CFAP58: variants seen among roughly 807,000 people sequenced by gnomAD.
CFAP58 encodes cilia and flagella associated protein 58.
In CFAP58, 88 loss-of-function variants were observed where a neutral mutation model predicts 119.5. That is an observed-to-expected ratio of 0.74 (90% CI 0.62 to 0.88). CFAP58 has a LOEUF of 0.88. Ranked by LOEUF, CFAP58 falls within the 40% of genes least tolerant of loss-of-function variation. The pLI, the probability that CFAP58 is intolerant of heterozygous loss-of-function variation, is 0.00. For missense variants in CFAP58, 990 were observed against 1,021.2 expected, an observed-to-expected ratio of 0.97 and a Z score of 0.42; for synonymous variants, 365 against 366.3, an observed-to-expected ratio of 1.00 and a Z score of 0.04.
At chr10:104,394,401 A>G (rs1417706864) in intron 11 of CFAP58, among the ~76,000 whole-genome samples, 1 of 152,230 alleles carries the variant, frequency 6.6e-6, no homozygotes, top group Non-Finnish European at 1.5e-5. Context: ...GAGACTGGGT[A>G]CCTTGCTTTC....
At chr10:104,449,167 T>G (rs904231669) in intron 16 of CFAP58, among the ~76,000 whole-genome samples, 5 of 152,058 alleles carry the variant, frequency 3.3e-5, no homozygotes, top group Non-Finnish European at 7.4e-5. Context: ...ACAGGTTTTT[T>G]TTTTTTTTTT....
In CFAP58 at chr10:104,362,068, G is replaced by C. The variant is rs1327889616; in HGVS notation, c.337G>C (p.Glu113Gln). The change falls in exon 3 of 18, where the codon GAG becomes CAG. Residue 113 changes from glutamate to glutamine, a missense_variant. By Grantham distance (29) the Glu-to-Gln change is conservative. Coordinates refer to ENST00000369704, the MANE Select transcript of CFAP58 (RefSeq NM_001008723.2). ...GATGGTGGACTCAGCCTATGACAAA[G>C]AGCAGAAGGCCAAGGAGACGATTCT... is the stretch of plus-strand genomic sequence containing the variant. Reference protein sequence around the residue: ...WKMVDSAYDKEQKAKETILAL... With the variant: ...WKMVDSAYDKQQKAKETILAL... 6.2e-7 allele frequency: 1 copy of C among 1,614,104 alleles called. No individual in the cohort carries two copies.
chr10:104,370,749 A>G (rs1483021471), intron 6 of CFAP58, 146 bp from the exon 7 acceptor site: 2 of 622,332 alleles, frequency 3.2e-6, no homozygotes, highest in African/African-American at 1.9e-5. Context: ...CTCAAAACCA[A>G]ATTGTGTGTG....
chr10:104,418,399 T>C (rs1271158564), intron 15 of CFAP58, among the ~76,000 whole-genome samples: 3 of 152,084 alleles, frequency 2.0e-5, no homozygotes, highest in African/African-American at 7.2e-5. Context: ...ATACAAAAAA[T>C]TAGCCGGGCA....
chr10:104,431,685 A>G (rs533768832), intron 15 of CFAP58, among the ~76,000 whole-genome samples: 13 of 152,212 alleles, frequency 8.5e-5, no homozygotes, highest in African/African-American at 2.9e-4. Context: ...TCAAAGTCCC[A>G]TTTCTTTTCT....
chr10:104,360,873 T>C (rs1564877874), intron 2 of CFAP58, among the ~76,000 whole-genome samples: 1 of 152,316 alleles, frequency 6.6e-6, no homozygotes, highest in East Asian at 1.9e-4. Flanking sequence ...ATCCAGTCTA[T>C]CACTGATGAG....
intron 15 of CFAP58, among the ~76,000 whole-genome samples, chr10:104,415,139 C>T (rs530533676): frequency 6.6e-6 from 1 of 152,264 alleles, no homozygotes; most frequent in South Asian, 2.1e-4. Context: ...TGCTATGGGA[C>T]TCTAAGCAAG....
the CFAP58 span, among the ~76,000 whole-genome samples, chr10:104,344,905 T>G: frequency 6.6e-6 from 1 of 152,028 alleles, no homozygotes. Flanking sequence ...CCCAGCACTT[T>G]GGGAGGCCAA....
chr10:104,428,234 G>C (rs1052745853), intron 15 of CFAP58, among the ~76,000 whole-genome samples: 1 of 152,066 alleles, frequency 6.6e-6, no homozygotes, highest in Non-Finnish European at 1.5e-5. Flanking sequence ...AAGCATAACC[G>C]AGGGAAGCAT....
At chr10:104,377,982 T>C (rs997392662) in intron 8 of CFAP58, among the ~76,000 whole-genome samples, 6 of 152,272 alleles carry the variant, frequency 3.9e-5, no homozygotes, top group African/African-American at 1.2e-4. Flanking sequence ...AATCTGTTTA[T>C]ATTTTATATG....
At chr10:104,371,085 A>G (rs1487837486) in intron 7 of CFAP58, 31 bp downstream of exon 7, 1 of 1,582,212 alleles carries the variant, frequency 6.3e-7, no homozygotes, top group African/African-American at 1.4e-5. Flanking sequence ...ATTCATTTAG[A>G]AACATTTTAT....
rs1229395854 is a variant in CFAP58 at position 104,438,371 on chromosome 10, TTTG to T, written c.2257-9324_2257-9322del. Among the ~76,000 whole-genome samples the T allele has an allele frequency of 1.3e-3, 163 of 124,154 alleles. 3 individuals are homozygous for T. The highest frequency in any genetic ancestry group is 7.5e-3 in the East Asian group (33 of 4,400). 81.4% of individuals were successfully genotyped at this position (124,154 alleles called of 152,430 possible). On this transcript the variant is annotated intron_variant, in intron 15 of 17. Transcript: ENST00000369704. ...TTGTTTTTTTTTTTTGTTTTTTTTT[TTTG>T]TTTTTTTTTTTTGAGACGGAGTCTC... is the stretch of plus-strand genomic sequence containing the variant.
chr10:104,367,064 G>C (rs1422743402), intron 5 of CFAP58, among the ~76,000 whole-genome samples: 2 of 152,010 alleles, frequency 1.3e-5, no homozygotes, highest in African/African-American at 4.8e-5. Flanking sequence ...TCACCATGTT[G>C]GCCAGGCTGG....
intron 10 of CFAP58, 25 bp downstream of exon 10, chr10:104,392,419 C>T: frequency 6.8e-7 from 1 of 1,460,730 alleles, no homozygotes; most frequent in Non-Finnish European, 9.2e-7. Context: ...TATATCCTTA[C>T]ATTTTGATTT....
chr10:104,416,387 A>G (rs2133062188), intron 15 of CFAP58, among the ~76,000 whole-genome samples: 1 of 152,286 alleles, frequency 6.6e-6, no homozygotes, highest in Admixed American at 6.5e-5. Context: ...TAAATCATGA[A>G]CTGAACTGGA....
At chr10:104,359,618 G>A (rs1474406862) in intron 2 of CFAP58, among the ~76,000 whole-genome samples, 3 of 152,214 alleles carry the variant, frequency 2.0e-5, no homozygotes, top group Non-Finnish European at 4.4e-5. Context: ...CCAACATGGT[G>A]AAACCCCGTC....
chr10:104,413,641 G>A (rs2012496012), intron 15 of CFAP58, among the ~76,000 whole-genome samples: 1 of 151,912 alleles, frequency 6.6e-6, no homozygotes, highest in African/African-American at 2.4e-5. Context: ...TTCTTTAAAG[G>A]CATCTGTGGG....
intron 13 of CFAP58, among the ~76,000 whole-genome samples, chr10:104,402,961 C>T (rs1169051718): frequency 1.3e-5 from 2 of 152,148 alleles, no homozygotes; most frequent in African/African-American, 2.4e-5. Flanking sequence ...ATATTGCTGT[C>T]AGGTGCTGAG....
chr10:104,406,193 A>G (rs1032606512), intron 14 of CFAP58, among the ~76,000 whole-genome samples: 6 of 152,290 alleles, frequency 3.9e-5, no homozygotes, highest in Admixed American at 3.9e-4. Context: ...ATGCCTTTGG[A>G]GCTTGGCATA....
Sources: allele counts gnomAD v4.1 joint callset (sites outside exome capture counted in the v4.1 genomes callset), GRCh38; gene constraint gnomAD v4.1.1; transcripts MANE v1.5; gene names NCBI Gene and HGNC (gene_info 2026-07-23, HGNC 2026-07-21).